Variants in TMEM132D observed in about 807,000 individuals in gnomAD.
The protein encoded by TMEM132D is transmembrane protein 132D.
In TMEM132D, 21 loss-of-function variants were observed where a neutral mutation model predicts 62.3. The ratio of observed to expected loss-of-function variants is 0.34; its 90% CI spans 0.24 to 0.49. TMEM132D has a LOEUF of 0.49. Ranked by LOEUF, TMEM132D falls within the 20% of genes least tolerant of loss-of-function variation. TMEM132D has a pLI of 0.99. For synonymous variants in TMEM132D, 621 were observed against 575.6 expected (o/e 1.08, Z -1.13); for missense variants, 1,346 against 1,402.8 (o/e 0.96, Z 0.65).
intron 1 of TMEM132D, among the ~76,000 whole-genome samples, chr12:129,808,344 A>G (rs1456738350): frequency 6.6e-6 from 1 of 152,210 alleles, no homozygotes; most frequent in Non-Finnish European, 1.5e-5. Context: ...ATATTAAAAG[A>G]AAAACACTCT....
At chr12:129,078,321 A>G (rs1279680012) in intron 8 of TMEM132D, among the ~76,000 whole-genome samples, 1 of 152,144 alleles carries the variant, frequency 6.6e-6, no homozygotes, top group Admixed American at 6.5e-5. Flanking sequence ...TTATGTATAT[A>G]TGTATTTATT....
chr12:129,458,636 T>C (rs1873557479), intron 3 of TMEM132D, among the ~76,000 whole-genome samples: 1 of 152,140 alleles, frequency 6.6e-6, no homozygotes, highest in African/African-American at 2.4e-5. Flanking sequence ...GGATTTGAAC[T>C]CACAACCTGA....
At chr12:129,493,590 G>A (rs1874863393) in intron 3 of TMEM132D, among the ~76,000 whole-genome samples, 1 of 152,162 alleles carries the variant, frequency 6.6e-6, no homozygotes, top group South Asian at 2.1e-4. Context: ...ACAGCTATAT[G>A]TATGCATGTA....
At position 129,473,474 on chromosome 12, in the gene TMEM132D, C is replaced by A. The variant is rs140989985; in HGVS notation, c.1115+57585G>T. Among the ~76,000 whole-genome samples the A allele has an allele frequency of 1.2e-3, 188 of 151,752 alleles. 2 individuals carry two copies. The East Asian group carries it at 0.022, about 18-fold the overall frequency. On this transcript the variant is annotated intron_variant, in intron 3 of 8. Transcript: ENST00000422113. ...CCTTCTGAATAGCTGAGACTACAGG[C>A]ACTCACCACCATGCCTGGCTAATTT...
chr12:129,464,787 T>A (rs902823876), intron 3 of TMEM132D, among the ~76,000 whole-genome samples: 1 of 152,186 alleles, frequency 6.6e-6, no homozygotes, highest in Non-Finnish European at 1.5e-5. Flanking sequence ...GTTGTAGATA[T>A]GCGGCGTTAT....
chr12:129,274,103 T>C (rs1880936120), intron 4 of TMEM132D, among the ~76,000 whole-genome samples: 1 of 151,870 alleles, frequency 6.6e-6, no homozygotes, highest in Admixed American at 6.5e-5. Context: ...TTACCAGATT[T>C]ATTCTAAAAA....
At chr12:129,347,985 C>G (rs990756359) in intron 3 of TMEM132D, among the ~76,000 whole-genome samples, 1 of 152,142 alleles carries the variant, frequency 6.6e-6, no homozygotes, top group Admixed American at 6.5e-5. Flanking sequence ...TAGAGAAATG[C>G]AAATCAAAAC....
chr12:129,580,746 T>G (rs1479417573), intron 2 of TMEM132D, among the ~76,000 whole-genome samples: 2 of 151,524 alleles, frequency 1.3e-5, no homozygotes, highest in Non-Finnish European at 2.9e-5. Flanking sequence ...AATAAATAAA[T>G]AAATAAATAA....
rs376952674 is a variant in TMEM132D, at chr12:129,145,272, C to T, written c.1444-60570G>A. The stretch of plus-strand genomic sequence containing the variant: ...TCTCTTACTAACTCTGATTAATAAC[C>T]TACCAAGCTTGTTTCACAACTTACT... On this transcript the variant is annotated intron_variant, in intron 5 of 8. Transcript: ENST00000422113. Among the ~76,000 whole-genome samples the T allele has an allele frequency of 8.1e-4, 123 of 152,210 alleles. 2 individuals are homozygous for T. In the South Asian group the frequency reaches 0.025, roughly 30 times the overall value.
rs148792779 is a variant in TMEM132D at position 129,757,703 on chromosome 12, C to T, written c.80-57005G>A. ...TCCAAAAGGGTTTCCTGAGGTCCTTCCTTAAAACTACTCGATACAGCCAGA... is the reference window on the plus strand; with the variant it reads ...TCCAAAAGGGTTTCCTGAGGTCCTTTCTTAAAACTACTCGATACAGCCAGA... On this transcript the variant is annotated intron_variant, in intron 1 of 8. Transcript: ENST00000422113. Among the ~76,000 whole-genome samples, 652 of 152,272 alleles carry T rather than the reference C, an allele frequency of 4.3e-3. 8 individuals are homozygous for T. Among genetic ancestry groups the T allele is most frequent in the African/African-American group, 0.015 (634 of 41,546 alleles).
intron 1 of TMEM132D, among the ~76,000 whole-genome samples, chr12:129,882,324 C>T (rs1841232135): frequency 6.6e-6 from 1 of 152,076 alleles, no homozygotes; most frequent in Admixed American, 6.6e-5. Flanking sequence ...TAAAAGAAAA[C>T]TACAGCAAAT....
intron 5 of TMEM132D, among the ~76,000 whole-genome samples, chr12:129,180,137 T>C (rs549920649): frequency 5.9e-5 from 9 of 152,076 alleles, no homozygotes; most frequent in Admixed American, 2.0e-4. Flanking sequence ...CTTTGACCAC[T>C]CTCTATGGAC....
At chr12:129,200,020 C>T (rs574977400) in intron 5 of TMEM132D, among the ~76,000 whole-genome samples, 1 of 152,224 alleles carries the variant, frequency 6.6e-6, no homozygotes, top group Admixed American at 6.5e-5. Context: ...AAATAGAATG[C>T]CGTGATTAAA....
chr12:129,119,371 C>G lies in TMEM132D; in HGVS notation c.1444-34669G>C, dbSNP rs1019160723. On this transcript the variant is annotated intron_variant, in intron 5 of 8. Coordinates refer to ENST00000422113, the MANE Select transcript of TMEM132D (RefSeq NM_133448.3). ...CATAATAGCAAAGTTACAGAATCAACCTGGGTGTCCACCAGTGAATAACGG... is the reference window on the plus strand; with the variant it reads ...CATAATAGCAAAGTTACAGAATCAAGCTGGGTGTCCACCAGTGAATAACGG... Among the ~76,000 whole-genome samples, 14 of 152,180 alleles carry G rather than the reference C, an allele frequency of 9.2e-5. No homozygotes were observed. In the East Asian group the frequency reaches 2.7e-3, roughly 29 times the overall value.
At chr12:129,703,908 C>A (rs1310936512) in intron 1 of TMEM132D, among the ~76,000 whole-genome samples, 1 of 130,010 alleles carries the variant, frequency 7.7e-6, no homozygotes, top group Non-Finnish European at 1.6e-5. Context: ...AATAACTAAT[C>A]GAATACGGTA....
intron 3 of TMEM132D, among the ~76,000 whole-genome samples, chr12:129,514,085 C>T (rs377172289): frequency 1.1e-4 from 17 of 151,584 alleles, no homozygotes; most frequent in South Asian, 2.1e-4. Context: ...GTGATCCGCC[C>T]GCCTCGGCCT....
At chr12:129,463,245 T>G (rs1165989504) in intron 3 of TMEM132D, among the ~76,000 whole-genome samples, 1 of 152,104 alleles carries the variant, frequency 6.6e-6, no homozygotes, top group East Asian at 1.9e-4. Flanking sequence ...GGAGCCTCAT[T>G]TCCTTATTTT....
intron 2 of TMEM132D, among the ~76,000 whole-genome samples, chr12:129,611,346 G>A (rs1213518454): frequency 2.0e-5 from 3 of 152,106 alleles, no homozygotes; most frequent in South Asian, 2.1e-4. Flanking sequence ...GTTTGCATGC[G>A]GATTCTGTCA....
chr12:129,803,107 A>G (rs1871852719), intron 1 of TMEM132D, among the ~76,000 whole-genome samples: 1 of 151,476 alleles, frequency 6.6e-6, no homozygotes, highest in African/African-American at 2.4e-5. Context: ...TTAACACCCC[A>G]CTGTCAACAT....
Sources: allele counts gnomAD v4.1 joint callset (sites outside exome capture counted in the v4.1 genomes callset), GRCh38; gene constraint gnomAD v4.1.1; transcripts MANE v1.5; gene names NCBI Gene and HGNC (gene_info 2026-07-23, HGNC 2026-07-21).